The following NBEA variants were observed in gnomAD, a reference collection of about 807,000 sequenced individuals.
NBEA encodes lysosomal-trafficking regulator 2.
NBEA carries 44 observed loss-of-function variants against 343.4 expected under a neutral mutation model. The ratio of observed to expected loss-of-function variants is 0.13; its 90% CI spans 0.10 to 0.16. The LOEUF (loss-of-function observed/expected upper bound fraction) is 0.16. NBEA is among the 10% of genes least tolerant of loss of function. NBEA has a pLI of 1.00. For missense variants in NBEA, 2,555 were observed against 3,631.3 expected (o/e 0.70, Z 7.62); for synonymous variants, 1,175 against 1,238.7 (o/e 0.95, Z 1.08).
chr13:35,070,198 G>T, intron 9 of NBEA, 93 bp downstream of exon 9: 1 of 1,249,058 alleles, frequency 8.0e-7, no homozygotes, highest in South Asian at 2.1e-5. Context: ...ATAAATCTAT[G>T]ATTTTTTTGC....
intron 1 of NBEA, among the ~76,000 whole-genome samples, chr13:34,959,212 T>C (rs904581452): frequency 6.6e-6 from 1 of 152,182 alleles, no homozygotes; most frequent in African/African-American, 2.4e-5. Flanking sequence ...ACTTTTCATA[T>C]TGTAAGTTTC....
At chr13:35,221,522 A>C (rs74048950) in intron 33 of NBEA, among the ~76,000 whole-genome samples, 6,806 of 151,998 alleles carry the variant, frequency 0.045, 174 homozygotes, top group South Asian at 0.079. Flanking sequence ...CTGTCTACTT[A>C]TATTTCTTTT....
intron 1 of NBEA, among the ~76,000 whole-genome samples, chr13:35,005,046 T>C (rs2061270684): frequency 6.6e-6 from 1 of 152,204 alleles, no homozygotes. Context: ...TTATCAACTA[T>C]GTGCCAAGCA....
chr13:35,386,575 G>T, intron 38 of NBEA, among the ~76,000 whole-genome samples: 1 of 152,018 alleles, frequency 6.6e-6, no homozygotes, highest in East Asian at 1.9e-4. Flanking sequence ...AATCCTGTAA[G>T]ATAATGTTGA....
intron 10 of NBEA, among the ~76,000 whole-genome samples, chr13:35,075,912 A>G (rs2064093323): frequency 6.6e-6 from 1 of 151,966 alleles, no homozygotes; most frequent in East Asian, 1.9e-4. Context: ...TTATCTGACC[A>G]TGTTTCCTGA....
rs553207070 is a variant in NBEA at position 35,084,831 on chromosome 13, G to A, written c.1572-13466G>A. Among the ~76,000 whole-genome samples the A allele has an allele frequency of 7.5e-4, 114 of 151,814 alleles. No individual in the cohort carries two copies. In the South Asian group the frequency reaches 0.022, roughly 29 times the overall value. On this transcript the variant is annotated intron_variant, in intron 10 of 58. Transcript: ENST00000379939. Reference sequence around the variant, plus strand: ...AAAATATCAACAAAATTGATAGACCGCTAGCAAGACTAATAAAGAAGAAAA... The same window carrying A: ...AAAATATCAACAAAATTGATAGACCACTAGCAAGACTAATAAAGAAGAAAA...
intron 38 of NBEA, among the ~76,000 whole-genome samples, chr13:35,382,294 AT>A (rs2042052388): frequency 2.6e-5 from 4 of 152,108 alleles, no homozygotes. Context: ...ATGGCCACAG[AT>A]TTCATTTGAA....
At chr13:35,652,838 G>A (rs1308903244) in intron 53 of NBEA, among the ~76,000 whole-genome samples, 1 of 149,988 alleles carries the variant, frequency 6.7e-6, no homozygotes, top group African/African-American at 2.4e-5. Flanking sequence ...GGGATTACAG[G>A]CGCCCGCCAC....
chr13:35,035,046 C>A (rs1283095300), intron 1 of NBEA, among the ~76,000 whole-genome samples: 1 of 151,502 alleles, frequency 6.6e-6, no homozygotes, highest in Non-Finnish European at 1.5e-5. Flanking sequence ...TTTATTATTT[C>A]TTTTCTTCTA....
At position 35,556,720 on chromosome 13, in the gene NBEA, T is replaced by C. The variant is rs190439333; in HGVS notation, c.6922+1618T>C. On this transcript the variant is annotated intron_variant, in intron 44 of 58. Coordinates refer to ENST00000379939, the MANE Select transcript of NBEA (RefSeq NM_001385012.1). Reference sequence around the variant, plus strand: ...TTAAATCATACCTAAGACAAAAACTTCAACTCAATTTTATTTCTCATTCAT... The same window carrying C: ...TTAAATCATACCTAAGACAAAAACTCCAACTCAATTTTATTTCTCATTCAT... 5.3e-4 allele frequency among the ~76,000 whole-genome samples: 80 copies of C among 152,248 alleles called. No homozygotes were observed. The East Asian group carries it at 0.015, about 29-fold the overall frequency.
intron 16 of NBEA, 60 bp from the exon 17 acceptor site, chr13:35,123,422 T>C: frequency 2.4e-6 from 2 of 832,012 alleles, no homozygotes; most frequent in Non-Finnish European, 3.6e-6. Context: ...GTAAAGCATG[T>C]AGTGTGTTTT....
At chr13:35,533,638 T>C (rs1282352526) in intron 41 of NBEA, among the ~76,000 whole-genome samples, 1 of 152,212 alleles carries the variant, frequency 6.6e-6, no homozygotes, top group African/African-American at 2.4e-5. Flanking sequence ...TTATTACTTA[T>C]AATACAGTTA....
intron 41 of NBEA, among the ~76,000 whole-genome samples, chr13:35,496,944 G>A (rs1406208494): frequency 6.6e-6 from 1 of 152,006 alleles, no homozygotes; most frequent in Admixed American, 6.6e-5. Flanking sequence ...TGGTTTGGAA[G>A]GAACTTTTTC....
intron 33 of NBEA, among the ~76,000 whole-genome samples, chr13:35,211,486 T>G (rs1286282366): frequency 6.6e-6 from 1 of 152,114 alleles, no homozygotes; most frequent in East Asian, 1.9e-4. Context: ...CATGATAAAA[T>G]TGGGCATCTT....
At chr13:35,426,981 C>T (rs1001701353) in intron 38 of NBEA, among the ~76,000 whole-genome samples, 4 of 152,180 alleles carry the variant, frequency 2.6e-5, no homozygotes, top group Non-Finnish European at 5.9e-5. Flanking sequence ...TTTTCAGCTC[C>T]ATCAGGTCCT....
chr13:35,411,352 A>G (rs1346807114), intron 38 of NBEA, among the ~76,000 whole-genome samples: 1 of 152,134 alleles, frequency 6.6e-6, no homozygotes, highest in Non-Finnish European at 1.5e-5. Flanking sequence ...ATTATGTCCA[A>G]TTGGTCCTCT....
chr13:35,099,191 G>C (rs1259720726), intron 11 of NBEA, among the ~76,000 whole-genome samples: 2 of 144,024 alleles, frequency 1.4e-5, no homozygotes, highest in East Asian at 4.0e-4. Context: ...CACCATGCCT[G>C]GCTAAAGTTT....
At chr13:35,643,111 A>G (rs552360491) in intron 49 of NBEA, among the ~76,000 whole-genome samples, 50 of 151,212 alleles carry the variant, frequency 3.3e-4, no homozygotes, top group Non-Finnish European at 6.5e-4. Flanking sequence ...TTAACTTGAT[A>G]TATTTGGAAA....
chr13:35,250,369 A>G (rs754502063), intron 34 of NBEA, among the ~76,000 whole-genome samples: 6 of 152,216 alleles, frequency 3.9e-5, no homozygotes, highest in Non-Finnish European at 5.9e-5. Flanking sequence ...AATGGGCAAA[A>G]GAATAAAAAT....
Sources: allele counts gnomAD v4.1 joint callset (sites outside exome capture counted in the v4.1 genomes callset), GRCh38; gene constraint gnomAD v4.1.1; transcripts MANE v1.5; gene names NCBI Gene and HGNC (gene_info 2026-07-23, HGNC 2026-07-21).